IGFBP7: variants seen among roughly 807,000 people sequenced by gnomAD.
IGFBP7 encodes the protein insulin like growth factor binding protein 7, also known as insulin-like growth factor-binding protein 7.
IGFBP7 carries 31 observed loss-of-function variants against 29.4 expected under a neutral mutation model. The ratio of observed to expected loss-of-function variants is 1.05; its 90% confidence interval spans 0.79 to 1.42. The LOEUF (loss-of-function observed/expected upper bound fraction) is 1.42, where lower values mean the gene tolerates loss of function less well. IGFBP7 is among the 40% of genes most tolerant of loss of function. The pLI is 0.00. For synonymous variants in IGFBP7, 172 were observed against 174.9 expected (o/e 0.98, Z 0.13); for missense variants, 393 against 395.5 (o/e 0.99, Z 0.05).
chr4:57,049,180 G>A (rs1023122714), intron 1 of IGFBP7, among the ~76,000 whole-genome samples: 7 of 150,284 alleles, frequency 4.7e-5, no homozygotes, highest in African/African-American at 1.5e-4. Context: ...CCTTTACCCA[G>A]TTAGCCAATT....
intron 1 of IGFBP7, among the ~76,000 whole-genome samples, chr4:57,053,703 G>T (rs754583988): frequency 3.9e-5 from 6 of 152,140 alleles, no homozygotes; most frequent in Non-Finnish European, 8.8e-5. Flanking sequence ...CAGCAGGCTA[G>T]GTTTTGAATT....
chr4:57,103,880 T>A (rs1725961856), intron 1 of IGFBP7, among the ~76,000 whole-genome samples: 1 of 151,790 alleles, frequency 6.6e-6, no homozygotes, highest in South Asian at 2.1e-4. Flanking sequence ...AGGCTGGCAA[T>A]TTTCAGGTAT....
chr4:57,097,368 T>C (rs1725786594), intron 1 of IGFBP7, among the ~76,000 whole-genome samples: 1 of 152,190 alleles, frequency 6.6e-6, no homozygotes, highest in African/African-American at 2.4e-5. Flanking sequence ...AACTCCCTGT[T>C]CTAGAATCTC....
intron 1 of IGFBP7, among the ~76,000 whole-genome samples, chr4:57,052,134 G>A (rs1309931251): frequency 6.6e-6 from 1 of 152,088 alleles, no homozygotes; most frequent in South Asian, 2.1e-4. Context: ...GGGACATGGC[G>A]GGGATTAAGG....
intron 1 of IGFBP7, among the ~76,000 whole-genome samples, chr4:57,071,423 G>T (rs911527001): frequency 1.3e-5 from 2 of 152,162 alleles, no homozygotes; most frequent in Non-Finnish European, 2.9e-5. Context: ...TTCTTTATCT[G>T]TGCTGACAAC....
intron 1 of IGFBP7, among the ~76,000 whole-genome samples, chr4:57,046,174 T>G (rs1474235569): frequency 6.6e-6 from 1 of 151,932 alleles, no homozygotes; most frequent in Admixed American, 6.6e-5. Flanking sequence ...ATGCTGAAAA[T>G]GTTTTCGGTG....
intron 1 of IGFBP7, among the ~76,000 whole-genome samples, chr4:57,101,017 C>T (rs553720702): frequency 5.3e-4 from 81 of 152,316 alleles, no homozygotes; most frequent in African/African-American, 1.5e-3. Flanking sequence ...CACAAATACC[C>T]GTTGCAGATG....
chr4:57,071,273 C>G (rs999018701), intron 1 of IGFBP7, among the ~76,000 whole-genome samples: 23 of 152,352 alleles, frequency 1.5e-4, no homozygotes, highest in Admixed American at 1.5e-3. Context: ...AAAGCCACTT[C>G]TAGTCAACCA....
chr4:57,077,370 C>T (rs1022799797), intron 1 of IGFBP7, among the ~76,000 whole-genome samples: 5 of 152,036 alleles, frequency 3.3e-5, no homozygotes, highest in South Asian at 2.1e-4. Flanking sequence ...CTCCATCTCC[C>T]GGGTTCAAGC....
chr4:57,046,745 C>G (rs1034190132), intron 1 of IGFBP7, among the ~76,000 whole-genome samples: 2 of 150,514 alleles, frequency 1.3e-5, no homozygotes, highest in African/African-American at 4.9e-5. Flanking sequence ...CCTCCCTCTG[C>G]CTTGTACCCA....
Position 57,065,842 on chromosome 4 carries a change from C to T in IGFBP7, c.476-24909G>A, listed in dbSNP as rs150508659. Among the ~76,000 whole-genome samples the T allele has an allele frequency of 1.4e-4, 21 of 152,288 alleles. No individual in the cohort carries two copies. The East Asian group carries it at 4.1e-3, about 29-fold the overall frequency. ...CCTCCTGGCCTCAACCTCAGGAAAT[C>T]TCTAACACATCTTTGAGTCATTTAC... On this transcript the variant is annotated intron_variant, in intron 1 of 4. Transcript: ENST00000295666.
chr4:57,043,124 T>C (rs1425770316), intron 1 of IGFBP7, among the ~76,000 whole-genome samples: 2 of 152,168 alleles, frequency 1.3e-5, no homozygotes, highest in Non-Finnish European at 2.9e-5. Context: ...TGGTAATTAG[T>C]ATGTCACTTC....
chr4:57,063,294 C>T (rs1724841467), intron 1 of IGFBP7, among the ~76,000 whole-genome samples: 1 of 152,190 alleles, frequency 6.6e-6, no homozygotes, highest in African/African-American at 2.4e-5. Flanking sequence ...TCTTACATGA[C>T]TCTCCCTTAT....
At chr4:57,068,190 C>T (rs941988852) in intron 1 of IGFBP7, among the ~76,000 whole-genome samples, 6 of 150,774 alleles carry the variant, frequency 4.0e-5, no homozygotes, top group East Asian at 2.0e-4. Flanking sequence ...CTTGGGAGGC[C>T]GAGGTGGGAG....
chr4:57,036,333 C>T (rs990553162), intron 2 of IGFBP7, among the ~76,000 whole-genome samples: 3 of 152,076 alleles, frequency 2.0e-5, no homozygotes, highest in African/African-American at 7.2e-5. Context: ...TCAACTCTTT[C>T]TTTATACGTC....
At chr4:57,095,762 G>A (rs1431718490) in intron 1 of IGFBP7, among the ~76,000 whole-genome samples, 1 of 152,118 alleles carries the variant, frequency 6.6e-6, no homozygotes, top group Non-Finnish European at 1.5e-5. Context: ...GATGCCCATC[G>A]GAAAGGCCTC....
At chr4:57,068,468 A>G (rs552791051) in intron 1 of IGFBP7, among the ~76,000 whole-genome samples, 1 of 152,206 alleles carries the variant, frequency 6.6e-6, no homozygotes, top group African/African-American at 2.4e-5. Flanking sequence ...ACAATAAGTA[A>G]TGAGCTAATG....
chr4:57,085,478 T>G (rs1456386967), intron 1 of IGFBP7, among the ~76,000 whole-genome samples: 5 of 152,098 alleles, frequency 3.3e-5, no homozygotes, highest in Non-Finnish European at 7.4e-5. Flanking sequence ...AAATAACAAC[T>G]GAGATCTTCA....
intron 1 of IGFBP7, among the ~76,000 whole-genome samples, chr4:57,051,844 A>G (rs1161087051): frequency 6.6e-6 from 1 of 152,244 alleles, no homozygotes; most frequent in Non-Finnish European, 1.5e-5. Context: ...CATGGGGTAA[A>G]CATTCAGTAA....
Sources: allele counts gnomAD v4.1 joint callset (sites outside exome capture counted in the v4.1 genomes callset), GRCh38; gene constraint gnomAD v4.1.1; transcripts MANE v1.5; gene names NCBI Gene and HGNC (gene_info 2026-07-23, HGNC 2026-07-21).